The following APBB2 variants were observed in gnomAD, a reference collection of about 807,000 sequenced individuals.
APBB2 encodes the protein amyloid beta precursor protein binding family B member 2, also known as Fe65-like 1.
APBB2 carries 38 observed loss-of-function variants against 82.5 expected under a neutral mutation model. The observed-to-expected ratio is 0.46, with a 90% confidence interval of 0.36 to 0.60. The LOEUF (loss-of-function observed/expected upper bound fraction) is 0.60, where lower values mean the gene tolerates loss of function less well. Among genes scored for constraint, APBB2 ranks in the 20% least tolerant of loss-of-function variants. The probability of loss-of-function intolerance (pLI) is 0.00; values close to 1 mark genes in which losing one functional copy is unlikely to be tolerated. For missense variants in APBB2, 772 were observed against 972.3 expected, an observed-to-expected ratio of 0.79 and a Z score of 2.74; for synonymous variants, 341 against 368.2, an observed-to-expected ratio of 0.93 and a Z score of 0.85.
In APBB2 at chr4:40,988,686, G is replaced by T. The variant is rs558089445; in HGVS notation, c.835+24897C>A. On this transcript the variant is annotated intron_variant, in intron 6 of 17. Transcript: ENST00000508593. ...TCTCAAAAAAAAAAAAAAGCCAGGGGCTACTATGCGGTATAAATATAATTA... is the reference window on the plus strand; with the variant it reads ...TCTCAAAAAAAAAAAAAAGCCAGGGTCTACTATGCGGTATAAATATAATTA... Among the ~76,000 whole-genome samples, 3 of 147,070 alleles carry T rather than the reference G, an allele frequency of 2.0e-5. No individual in the cohort carries two copies. The East Asian group carries it at 5.9e-4, about 29-fold the overall frequency.
chr4:40,904,966 C>CG (rs1398052961), intron 10 of APBB2, among the ~76,000 whole-genome samples: 3 of 152,120 alleles, frequency 2.0e-5, no homozygotes, highest in Admixed American at 6.5e-5. Flanking sequence ...GTAGAAAACA[C>CG]GATGCATGGC....
intron 3 of APBB2, among the ~76,000 whole-genome samples, chr4:41,070,228 T>G (rs543065001): frequency 1.3e-5 from 2 of 152,318 alleles, no homozygotes; most frequent in East Asian, 3.9e-4. Context: ...AATATATATT[T>G]CTATTACTCA....
chr4:40,832,013 TACACACACACACAC>T lies in APBB2; in HGVS notation c.1530-1450_1530-1437del, dbSNP rs1553930075. On this transcript the variant is annotated intron_variant, in intron 12 of 17. Transcript: ENST00000508593. This position sits in a 1 kb window ranked among gnomAD's most constrained non-coding sequence, Gnocchi z 4.8. ...ACACATATTTATATATTTATTTATATACACACACACACACACACACACACACACACACACACACA... is the reference window on the plus strand; with the variant it reads ...ACACATATTTATATATTTATTTATATACACACACACACACACACACACACA... Among the ~76,000 whole-genome samples the T allele has an allele frequency of 2.9e-5, 4 of 138,886 alleles. No individual in the cohort carries two copies. Among genetic ancestry groups the T allele is most frequent in the African/African-American group, 1.1e-4 (4 of 37,020 alleles). 91.1% of individuals were successfully genotyped at this position (138,886 alleles called of 152,430 possible).
intron 3 of APBB2, among the ~76,000 whole-genome samples, chr4:41,095,926 C>A (rs951465081): frequency 6.6e-6 from 1 of 152,234 alleles, no homozygotes; most frequent in African/African-American, 2.4e-5. Context: ...ACCTTTCTCA[C>A]TCTGGCACCT....
chr4:41,013,747 G>C lies in APBB2; in HGVS notation c.671C>G (p.Ala224Gly). Reference protein sequence around the residue: ...PQSSPEDGQVATVSSSPETKK... With the variant: ...PQSSPEDGQVGTVSSSPETKK... ...GGTTTCTGGGCTGGATGACACTGTG[G>C]CTACTTGGCCGTCTTCAGGGCTGGA... is the stretch of plus-strand genomic sequence containing the variant. Residue 224 changes from alanine (A) to glycine (G), a missense_variant, in exon 6 of 18, where the codon GCC (alanine) becomes GGC (glycine). Transcript: ENST00000508593. The C allele has an allele frequency of 6.2e-7, 1 of 1,614,180 alleles. No individual in the cohort carries two copies. Among genetic ancestry groups the C allele is most frequent in the Non-Finnish European group, 8.5e-7 (1 of 1,180,040 alleles).
intron 12 of APBB2, among the ~76,000 whole-genome samples, chr4:40,869,353 A>G (rs1764836615): frequency 6.6e-6 from 1 of 151,986 alleles, no homozygotes; most frequent in Non-Finnish European, 1.5e-5. Flanking sequence ...AGGCTGAGTG[A>G]GGTAGGAGGA....
chr4:41,084,460 T>C (rs1738894360), intron 3 of APBB2: 1 of 152,154 alleles, frequency 6.6e-6, no homozygotes, highest in Non-Finnish European at 1.5e-5. Context: ...AATGGCTTGA[T>C]TCGCAAATGT....
At chr4:41,126,223 A>C (rs1754354442) in intron 2 of APBB2, among the ~76,000 whole-genome samples, 1 of 151,748 alleles carries the variant, frequency 6.6e-6, no homozygotes, top group Admixed American at 6.6e-5. Context: ...CTACAAAAAA[A>C]AAAAAAAAAA....
chr4:40,977,533 G>A (rs1178133222), intron 6 of APBB2, among the ~76,000 whole-genome samples: 1 of 152,118 alleles, frequency 6.6e-6, no homozygotes, highest in South Asian at 2.1e-4. Context: ...AGCTGGTCTC[G>A]AATTTCTGAC....
intron 2 of APBB2, among the ~76,000 whole-genome samples, chr4:41,110,698 AG>A (rs1748895008): frequency 6.6e-6 from 1 of 151,846 alleles, no homozygotes; most frequent in Non-Finnish European, 1.5e-5. Context: ...AAGAGAATAT[AG>A]GTCTGAGCCC....
chr4:41,105,372 A>G (rs1227018693), intron 2 of APBB2, among the ~76,000 whole-genome samples: 1 of 152,216 alleles, frequency 6.6e-6, no homozygotes, highest in Non-Finnish European at 1.5e-5. Flanking sequence ...GCAAATAGAA[A>G]AGGCAAAATA....
chr4:41,024,728 G>A (rs1713253772), intron 5 of APBB2, among the ~76,000 whole-genome samples: 1 of 152,180 alleles, frequency 6.6e-6, no homozygotes, highest in Admixed American at 6.5e-5. Flanking sequence ...GGTAACTTGA[G>A]TATTCTGTTT....
intron 12 of APBB2, among the ~76,000 whole-genome samples, chr4:40,887,417 G>A (rs1770635090): frequency 6.6e-6 from 1 of 152,146 alleles, no homozygotes; most frequent in Non-Finnish European, 1.5e-5. Context: ...TCTCAGCAAG[G>A]AAAGTTACAA....
rs181879404 is a variant in APBB2, at chr4:40,855,592, C to A, written c.1530-25015G>T. Among the ~76,000 whole-genome samples, 251 of 152,126 alleles carry A rather than the reference C, an allele frequency of 1.6e-3. 2 individuals carry two copies. The highest frequency in any genetic ancestry group is 5.9e-3 in the African/African-American group (243 of 41,514). ...TCTACTCAAAAAAACAGAAATTAGC[C>A]GGGTGTGGTGGTGTGCACTTATAGT... On this transcript the variant is annotated intron_variant, in intron 12 of 17. Coordinates refer to ENST00000508593, the MANE Select transcript of APBB2 (RefSeq NM_004307.2).
intron 10 of APBB2, among the ~76,000 whole-genome samples, chr4:40,928,253 G>A (rs1291006210): frequency 6.6e-6 from 1 of 152,338 alleles, no homozygotes; most frequent in East Asian, 1.9e-4. Context: ...TAGTTCTGAA[G>A]TTAAGGGGAC....
At chr4:41,139,182 C>A (rs545528909) in intron 2 of APBB2, among the ~76,000 whole-genome samples, 8 of 150,728 alleles carry the variant, frequency 5.3e-5, no homozygotes, top group South Asian at 2.1e-4. Flanking sequence ...AGAAAGTCAA[C>A]ATAATCTCTT....
At chr4:41,124,208 T>C (rs1753728376) in intron 2 of APBB2, among the ~76,000 whole-genome samples, 1 of 152,232 alleles carries the variant, frequency 6.6e-6, no homozygotes, top group Admixed American at 6.5e-5. Context: ...TCTTCAAGCA[T>C]TTATTTTATT....
chr4:41,195,419 T>C, intron 1 of APBB2, among the ~76,000 whole-genome samples: 7 of 152,168 alleles, frequency 4.6e-5, no homozygotes, highest in Admixed American at 4.6e-4. Flanking sequence ...CGCTCCACTT[T>C]GAACAAATAT....
At chr4:41,124,659 A>G (rs1753875222) in intron 2 of APBB2, among the ~76,000 whole-genome samples, 2 of 152,234 alleles carry the variant, frequency 1.3e-5, no homozygotes. Context: ...TCTTGATAAA[A>G]TACATTCTAC....
Sources: allele counts gnomAD v4.1 joint callset (sites outside exome capture counted in the v4.1 genomes callset), GRCh38; gene constraint gnomAD v4.1.1; non-coding constraint Gnocchi (gnomAD v3.1); transcripts MANE v1.5; gene names NCBI Gene and HGNC (gene_info 2026-07-23, HGNC 2026-07-21).